The following TRPC5 variants were observed in gnomAD, a reference collection of about 807,000 sequenced individuals.
TRPC5 encodes short transient receptor potential channel 5.
Under a neutral mutation model 56.5 loss-of-function variants are expected in TRPC5, and 9 were observed. The ratio of observed to expected loss-of-function variants is 0.16; its 90% confidence interval spans 0.10 to 0.28. The LOEUF (loss-of-function observed/expected upper bound fraction) is 0.28. Ranked by LOEUF, TRPC5 falls within the 10% of genes least tolerant of loss-of-function variation. TRPC5 has a pLI of 1.00. For synonymous variants in TRPC5, 282 were observed against 278.5 expected (o/e 1.01, Z -0.13); for missense variants, 469 against 748.9 (o/e 0.63, Z 4.36).
chrX:111,905,778 G>A (rs371969965), intron 3 of TRPC5, among the ~76,000 whole-genome samples: 79 of 109,588 alleles, frequency 7.2e-4, no homozygotes, highest in East Asian at 6.4e-3. Flanking sequence ...AGCTGGGCGT[G>A]GTGGCGGGCG....
At chrX:112,017,106 C>T (rs1471519719) in intron 1 of TRPC5, among the ~76,000 whole-genome samples, 3 of 111,595 alleles carry the variant, frequency 2.7e-5, no homozygotes, top group Non-Finnish European at 3.8e-5. Flanking sequence ...CTCTGCCTCC[C>T]GGGTTCAAGC....
chrX:111,964,189 G>A (rs1927485531), intron 1 of TRPC5, among the ~76,000 whole-genome samples: 1 of 112,137 alleles, frequency 8.9e-6, no homozygotes, highest in East Asian at 2.8e-4. Context: ...AGAAGCCTCA[G>A]GAGCTGATGC....
chrX:111,959,880 T>C (rs1185338973), intron 1 of TRPC5, among the ~76,000 whole-genome samples: 1 of 111,477 alleles, frequency 9.0e-6, no homozygotes, highest in Non-Finnish European at 1.9e-5. Flanking sequence ...TTATAAGTGG[T>C]AACTGGAGCT....
intron 1 of TRPC5, among the ~76,000 whole-genome samples, chrX:112,068,118 T>C (rs1354440507): frequency 8.9e-6 from 1 of 112,065 alleles, no homozygotes; most frequent in Admixed American, 9.4e-5. Context: ...GTCTCTTCTG[T>C]CTGTCCTGCT....
intron 7 of TRPC5, 29 bp from the exon 8 acceptor site, chrX:111,782,167 TGGGATGG>T: frequency 8.6e-7 from 1 of 1,160,325 alleles, no homozygotes; most frequent in East Asian, 3.0e-5. Context: ...TTCAAGGATT[TGGGATGG>T]GAAACTGCAC....
At chrX:111,944,303 T>TGTGTGTGTGAAAGAGAGA (rs1173179815) in intron 2 of TRPC5, among the ~76,000 whole-genome samples, 78 of 61,367 alleles carry the variant, frequency 1.3e-3, no homozygotes, top group African/African-American at 8.0e-3. Flanking sequence ...TGTGTGTGTG[T>TGTGTGTGTGAAAGAGAGA]GAGAGAGAGA....
chrX:112,060,947 T>C (rs774826373), intron 1 of TRPC5, among the ~76,000 whole-genome samples: 1 of 112,412 alleles, frequency 8.9e-6, no homozygotes, highest in South Asian at 3.7e-4. Flanking sequence ...TAGATGAAAA[T>C]GCCTCCTGGC....
At chrX:112,025,724 T>C (rs1929396274) in intron 1 of TRPC5, among the ~76,000 whole-genome samples, 2 of 111,805 alleles carry the variant, frequency 1.8e-5, no homozygotes, top group African/African-American at 6.5e-5. Flanking sequence ...TCCCTCTTCA[T>C]GTGTGTTTTC....
chrX:111,956,532 A>AAT (rs1927240862), intron 1 of TRPC5, among the ~76,000 whole-genome samples: 1 of 111,306 alleles, frequency 9.0e-6, no homozygotes, highest in Non-Finnish European at 1.9e-5. Context: ...GAAAAAAAAT[A>AAT]ATATTTGAAC....
At chrX:111,940,720 C>T (rs995841478) in intron 2 of TRPC5, among the ~76,000 whole-genome samples, 7 of 107,903 alleles carry the variant, frequency 6.5e-5, no homozygotes, top group African/African-American at 2.4e-4. Context: ...GAATAAACTA[C>T]GTTTTGTCTG....
intron 2 of TRPC5, among the ~76,000 whole-genome samples, chrX:111,943,919 A>G (rs1444816260): frequency 8.9e-6 from 1 of 112,435 alleles, no homozygotes; most frequent in Non-Finnish European, 1.9e-5. Flanking sequence ...TCTCCATACC[A>G]TACGACATGC....
chrX:111,797,142 A>C (rs1226501599), intron 7 of TRPC5, among the ~76,000 whole-genome samples: 1 of 111,938 alleles, frequency 8.9e-6, no homozygotes, highest in African/African-American at 3.2e-5. Flanking sequence ...TTGCTCTCCA[A>C]GGTAGTAGTG....
At chrX:112,023,952 C>A (rs1929352352) in intron 1 of TRPC5, among the ~76,000 whole-genome samples, 1 of 111,435 alleles carries the variant, frequency 9.0e-6, no homozygotes, top group Non-Finnish European at 1.9e-5. Context: ...ACCCCTCCCT[C>A]ATTTATAGAG....
chrX:112,038,843 G>A (rs1333731466), intron 1 of TRPC5, among the ~76,000 whole-genome samples: 6 of 97,781 alleles, frequency 6.1e-5, no homozygotes, highest in African/African-American at 1.3e-4. Flanking sequence ...CACCATGCCC[G>A]GCTATTTTTT....
intron 3 of TRPC5, among the ~76,000 whole-genome samples, chrX:111,906,060 G>A: frequency 9.2e-6 from 1 of 108,581 alleles, no homozygotes; most frequent in Middle Eastern, 5.3e-3. Context: ...TCTAATCAAA[G>A]ATGTCATTAA....
intron 2 of TRPC5, among the ~76,000 whole-genome samples, chrX:111,944,303 T>TGTGTGAAA (rs1173179815): frequency 1.8e-3 from 110 of 61,367 alleles, no homozygotes; most frequent in Non-Finnish European, 2.5e-3. Flanking sequence ...TGTGTGTGTG[T>TGTGTGAAA]GAGAGAGAGA....
intron 1 of TRPC5, among the ~76,000 whole-genome samples, chrX:112,075,997 A>T (rs920635713): frequency 1.2e-4 from 14 of 112,023 alleles, no homozygotes; most frequent in Admixed American, 4.7e-4. Flanking sequence ...ACAGAACTAT[A>T]ACGATAATAA....
At chrX:112,075,915 C>T (rs1164655832) in intron 1 of TRPC5, among the ~76,000 whole-genome samples, 1 of 112,164 alleles carries the variant, frequency 8.9e-6, no homozygotes, top group Non-Finnish European at 1.9e-5. Flanking sequence ...CTGCTAGAGC[C>T]TCCAGAAGGG....
intron 7 of TRPC5, among the ~76,000 whole-genome samples, chrX:111,783,171 A>G (rs1344749881): frequency 1.8e-5 from 2 of 112,197 alleles, no homozygotes; most frequent in African/African-American, 6.5e-5. Flanking sequence ...GTTTTCTATT[A>G]TATGGATGCA....
Sources: allele counts gnomAD v4.1 joint callset (sites outside exome capture counted in the v4.1 genomes callset), GRCh38; gene constraint gnomAD v4.1.1; transcripts MANE v1.5; gene names NCBI Gene and HGNC (gene_info 2026-07-23, HGNC 2026-07-21).